Variants in DLG1 observed in about 807,000 individuals in gnomAD.
The protein encoded by DLG1 is discs large MAGUK scaffold protein 1.
A neutral mutation model predicts 123.4 loss-of-function variants in DLG1; 42 were observed. The ratio of observed to expected loss-of-function variants is 0.34; its 90% CI spans 0.27 to 0.44. The LOEUF (loss-of-function observed/expected upper bound fraction) is 0.44. Ranked by LOEUF, DLG1 falls within the 20% of genes least tolerant of loss-of-function variation. The pLI is 1.00. For missense variants in DLG1, 942 were observed against 1,082.6 expected, an observed-to-expected ratio of 0.87 and a Z score of 1.82; for synonymous variants, 317 against 356.2, an observed-to-expected ratio of 0.89 and a Z score of 1.24.
intron 5 of DLG1, chr3:197,161,781 TA>T: frequency 8.0e-7 from 1 of 1,246,902 alleles, no homozygotes; most frequent in Admixed American, 2.3e-5. Context: ...AACACCAAAA[TA>T]AAAGGGAAAC....
chr3:197,246,223 A>G (rs1315386539), intron 4 of DLG1, among the ~76,000 whole-genome samples: 1 of 152,092 alleles, frequency 6.6e-6, no homozygotes, highest in Non-Finnish European at 1.5e-5. Flanking sequence ...ATTACCTGGG[A>G]GGAGCCATCT....
At chr3:197,232,261 G>A (rs1370079066) in intron 4 of DLG1, among the ~76,000 whole-genome samples, 4 of 151,700 alleles carry the variant, frequency 2.6e-5, no homozygotes, top group Non-Finnish European at 4.4e-5. Flanking sequence ...AGCACTTTGG[G>A]AGGCTGAGGG....
chr3:197,247,817 T>G (rs1561671181), intron 4 of DLG1, among the ~76,000 whole-genome samples: 2 of 152,164 alleles, frequency 1.3e-5, no homozygotes, highest in Non-Finnish European at 2.9e-5. Flanking sequence ...TCCTGGAGGT[T>G]TGGTGTTAGG....
chr3:197,242,384 G>A (rs937208112), intron 4 of DLG1, among the ~76,000 whole-genome samples: 3 of 151,992 alleles, frequency 2.0e-5, no homozygotes, highest in African/African-American at 7.3e-5. Flanking sequence ...AGATAACCCA[G>A]ACAGAAAATA....
intron 10 of DLG1, among the ~76,000 whole-genome samples, chr3:197,131,964 T>C (rs182477968): frequency 1.3e-5 from 2 of 152,352 alleles, no homozygotes; most frequent in Admixed American, 6.5e-5. Context: ...ATCTCAACTA[T>C]AACACTGATT....
At chr3:197,116,959 A>T (rs1773622596) in intron 12 of DLG1, among the ~76,000 whole-genome samples, 1 of 152,198 alleles carries the variant, frequency 6.6e-6, no homozygotes, top group Admixed American at 6.5e-5. Flanking sequence ...TTATGCTTTA[A>T]AATATGTATG....
At position 197,044,551 on chromosome 3, in the gene DLG1, T is replaced by TCCAGAGGAAAGGGCAAAGAGATG; in HGVS notation, c.*49_*71dup. The stretch of plus-strand genomic sequence containing the variant: ...CATGAAATCAGTACTCAAGAAAGAC[T>TCCAGAGGAAAGGGCAAAGAGATG]CCAGAGGAAAGGGCAAAGAGATGCC... On this transcript the variant is annotated 3_prime_UTR_variant, in exon 25 of 25. Transcript: ENST00000667157. 1 of 1,018,800 alleles carries TCCAGAGGAAAGGGCAAAGAGATG rather than the reference T, an allele frequency of 9.8e-7. No individual in the cohort carries two copies. Among genetic ancestry groups the TCCAGAGGAAAGGGCAAAGAGATG allele is most frequent in the Non-Finnish European group, 1.5e-6 (1 of 668,364 alleles). The allele number at this position is 1,018,800 out of a possible 1,614,324, so 63.1% of individuals were successfully genotyped here. A position where few individuals can be genotyped will look rare whatever the true frequency, so the allele number is the denominator to read the frequency against.
chr3:197,044,816 T>A, intron 24 of DLG1, 87 bp from the exon 25 acceptor site: 4 of 773,608 alleles, frequency 5.2e-6, no homozygotes, highest in Non-Finnish European at 7.8e-6. Context: ...GAAGCTAGTA[T>A]CTTTGAAAAA....
At chr3:197,259,415 T>C (rs1465803325) in intron 4 of DLG1, among the ~76,000 whole-genome samples, 1 of 152,160 alleles carries the variant, frequency 6.6e-6, no homozygotes, top group Non-Finnish European at 1.5e-5. Context: ...TTATGAAAAA[T>C]AATTCATTAT....
intron 3 of DLG1, among the ~76,000 whole-genome samples, chr3:197,291,314 C>CAG (rs1774799857): frequency 6.6e-6 from 1 of 151,250 alleles, no homozygotes; most frequent in Non-Finnish European, 1.5e-5. Flanking sequence ...CACACACACA[C>CAG]ACACACACAC....
intron 19 of DLG1, among the ~76,000 whole-genome samples, chr3:197,067,620 T>C (rs1740577824): frequency 7.2e-6 from 1 of 138,466 alleles, no homozygotes; most frequent in South Asian, 2.4e-4. Context: ...TGCAATGGCA[T>C]GATCTCAGCT....
At chr3:197,236,212 C>T (rs1745871443) in intron 4 of DLG1, among the ~76,000 whole-genome samples, 1 of 152,002 alleles carries the variant, frequency 6.6e-6, no homozygotes, top group South Asian at 2.1e-4. Flanking sequence ...ACTTGGGAGG[C>T]TGAAGCAGGA....
At chr3:197,093,165 C>CTT (rs1165149523) in intron 14 of DLG1, among the ~76,000 whole-genome samples, 1 of 149,112 alleles carries the variant, frequency 6.7e-6, no homozygotes, top group Non-Finnish European at 1.5e-5. Context: ...CATTTCTTTT[C>CTT]TTTTTGTTTT....
chr3:197,069,295 G>A, intron 18 of DLG1, 35 bp from the exon 19 acceptor site: 1 of 1,467,780 alleles, frequency 6.8e-7, no homozygotes, highest in Non-Finnish European at 9.3e-7. Context: ...AAATAAAACA[G>A]TGTCATGAGT....
chr3:197,089,897 G>A (rs141124129), intron 15 of DLG1, among the ~76,000 whole-genome samples: 2,017 of 152,200 alleles, frequency 0.013, 143 homozygotes, highest in Admixed American at 0.12. Flanking sequence ...ATCACTGGTA[G>A]GGTTATAAGT....
chr3:197,296,183 A>G (rs1050894934), intron 3 of DLG1, among the ~76,000 whole-genome samples, 163 bp downstream of exon 3: 6 of 152,236 alleles, frequency 3.9e-5, no homozygotes, highest in Non-Finnish European at 8.8e-5. Flanking sequence ...AGTTATTTTA[A>G]GAAAGGACAC....
chr3:197,264,370 T>C (rs945135985), intron 4 of DLG1, among the ~76,000 whole-genome samples: 1 of 152,194 alleles, frequency 6.6e-6, no homozygotes, highest in South Asian at 2.1e-4. Context: ...CCAAAATCTT[T>C]TAAGTGCCAG....
At chr3:197,194,379 A>G (rs759624204) in intron 5 of DLG1, 46 bp downstream of exon 5, 8 of 1,325,556 alleles carry the variant, frequency 6.0e-6, no homozygotes, top group South Asian at 1.6e-5. Context: ...ATGTATAACA[A>G]AAGTAATATG....
chr3:197,177,529 G>A (rs554725509), intron 5 of DLG1, among the ~76,000 whole-genome samples: 4 of 152,178 alleles, frequency 2.6e-5, no homozygotes, highest in Admixed American at 1.3e-4. Context: ...GGTATGTACC[G>A]ATAACACGGT....
Sources: gnomAD v4.1 joint callset for allele counts (sites outside exome capture counted in the v4.1 genomes callset) on GRCh38, gnomAD v4.1.1 for gene constraint, MANE v1.5 for transcripts, NCBI Gene and HGNC (gene_info 2026-07-23, HGNC 2026-07-21) for gene names.